The following TM9SF4 variants were observed in gnomAD, a reference collection of about 807,000 sequenced individuals.
The protein encoded by TM9SF4 is dinucleotide oxidase disulfide thiol exchanger 3 superfamily member 4.
Under a neutral mutation model 90.4 loss-of-function variants are expected in TM9SF4, and 26 were observed. That is an observed-to-expected ratio of 0.29 (90% CI 0.21 to 0.40). The LOEUF is 0.40. Ranked by LOEUF, TM9SF4 falls within the 10% of genes least tolerant of loss-of-function variation. The pLI, the probability that TM9SF4 is intolerant of heterozygous loss-of-function variation, is 1.00. For synonymous variants in TM9SF4, 293 were observed against 315.4 expected (o/e 0.93, Z 0.75); for missense variants, 549 against 834.8 (o/e 0.66, Z 4.22).
intron 9 of TM9SF4, among the ~76,000 whole-genome samples, chr20:32,147,712 G>T (rs1274350698): frequency 1.3e-5 from 2 of 152,002 alleles, no homozygotes; most frequent in Non-Finnish European, 2.9e-5. Flanking sequence ...AATTAGCTGG[G>T]TGTGGTGGCA....
intron 1 of TM9SF4, among the ~76,000 whole-genome samples, chr20:32,122,845 C>G (rs898596736): frequency 6.6e-6 from 1 of 151,934 alleles, no homozygotes; most frequent in Admixed American, 6.5e-5. Context: ...TGTAGCGAGC[C>G]GAGATCACGC....
At position 32,143,075 on chromosome 20, in the gene TM9SF4, G is replaced by T; in HGVS notation, c.622G>T (p.Glu208Ter). Residue 208 changes from glutamate (E) to a stop codon, truncating the protein, a stop_gained, in exon 6 of 18, where the codon GAG (glutamate) becomes TAG (stop). Transcript: ENST00000398022. LOFTEE classifies it high-confidence loss of function. ...QEHTYRVVRFEVIPQSIRLED... is the reference protein window; with the variant it reads ...QEHTYRVVRF The stretch of plus-strand genomic sequence containing the variant: ...GCACACGTACCGTGTCGTCCGCTTC[G>T]AGGTGATTCCCCAGAGCATCAGGCT... 6.2e-7 allele frequency: 1 copy of T among 1,613,682 alleles called. No homozygotes were observed. The highest frequency in any genetic ancestry group is 8.5e-7 in the Non-Finnish European group (1 of 1,179,744).
At chr20:32,118,630 TA>T (rs1350831976) in intron 1 of TM9SF4, among the ~76,000 whole-genome samples, 10 of 150,746 alleles carry the variant, frequency 6.6e-5, no homozygotes, top group African/African-American at 2.4e-4. Flanking sequence ...TTTATTTATT[TA>T]TTTATTTATT....
At chr20:32,121,386 T>C (rs1215753786) in intron 1 of TM9SF4, among the ~76,000 whole-genome samples, 1 of 151,806 alleles carries the variant, frequency 6.6e-6, no homozygotes, top group Non-Finnish European at 1.5e-5. Context: ...TACTTGAGAT[T>C]AGGGAGTGGT....
intron 1 of TM9SF4, among the ~76,000 whole-genome samples, chr20:32,123,866 A>ATATATATATATATATATATATTTTTTT: frequency 2.7e-4 from 25 of 93,942 alleles, no homozygotes; most frequent in African/African-American, 1.1e-3. Context: ...ATATATATAT[A>ATATATATATATATATATATATTTTTTT]TTTTTTTTTT....
At chr20:32,137,992 T>C (rs1440335331) in intron 3 of TM9SF4, among the ~76,000 whole-genome samples, 1 of 152,214 alleles carries the variant, frequency 6.6e-6, no homozygotes, top group Admixed American at 6.5e-5. Context: ...CTTCTGTGAC[T>C]CTGATAGTAA....
intron 1 of TM9SF4, among the ~76,000 whole-genome samples, chr20:32,128,010 C>T (rs913194536): frequency 1.3e-5 from 2 of 152,226 alleles, no homozygotes; most frequent in African/African-American, 2.4e-5. Flanking sequence ...TTGTGGCTAA[C>T]TGCTTATTAA....
At chr20:32,150,004 AT>A (rs1412651918) in intron 10 of TM9SF4, among the ~76,000 whole-genome samples, 1 of 152,166 alleles carries the variant, frequency 6.6e-6, no homozygotes, top group Non-Finnish European at 1.5e-5. Context: ...TCCTCCATCA[AT>A]GAGGCAACAC....
At chr20:32,158,685 A>G (rs938055951) in intron 15 of TM9SF4, among the ~76,000 whole-genome samples, 171 bp downstream of exon 15, 54 of 152,150 alleles carry the variant, frequency 3.5e-4, no homozygotes, top group African/African-American at 1.3e-3. Flanking sequence ...TCAGGGCAGC[A>G]TTGAAAGTGA....
chr20:32,163,968 A>G (rs1449077133), intron 17 of TM9SF4, among the ~76,000 whole-genome samples: 1 of 152,082 alleles, frequency 6.6e-6, no homozygotes, highest in East Asian at 1.9e-4. Flanking sequence ...TGTTCCTCAA[A>G]ACATCTGGAA....
chr20:32,138,966 C>T (rs1477356531), intron 3 of TM9SF4, among the ~76,000 whole-genome samples: 1 of 152,254 alleles, frequency 6.6e-6, no homozygotes, highest in Non-Finnish European at 1.5e-5. Flanking sequence ...GCAGTGGGCT[C>T]TGCAGATATC....
Position 32,109,926 on chromosome 20 carries a change from G to A in TM9SF4, c.15+171G>A, listed in dbSNP as rs536848426. On this transcript the variant is annotated intron_variant, in intron 1 of 17. Transcript: ENST00000398022. ...CCCCGAAATCCACCTCCCTGGCCCT[G>A]CCCCTGCACTCAGGCTTGTGAAGGC... 126 of 1,444,254 alleles carry A rather than the reference G, an allele frequency of 8.7e-5. 4 individuals are homozygous for A. The South Asian group carries it at 1.7e-3, about 20-fold the overall frequency. 89.5% of individuals were successfully genotyped at this position (1,444,254 alleles called of 1,614,324 possible).
chr20:32,126,949 G>T (rs922530137), intron 1 of TM9SF4, among the ~76,000 whole-genome samples: 1 of 152,094 alleles, frequency 6.6e-6, no homozygotes, highest in Non-Finnish European at 1.5e-5. Context: ...AGCCAGGCTG[G>T]TCTCAAACTC....
intron 1 of TM9SF4, 48 bp downstream of exon 1, chr20:32,109,803 G>T (rs753064235): frequency 6.4e-7 from 1 of 1,551,266 alleles, no homozygotes; most frequent in Admixed American, 2.0e-5. Flanking sequence ...GGGCCCTCCG[G>T]GGTATCCCAG....
chr20:32,131,369 C>A (rs2046508841), intron 1 of TM9SF4, among the ~76,000 whole-genome samples: 1 of 152,168 alleles, frequency 6.6e-6, no homozygotes, highest in Non-Finnish European at 1.5e-5. Flanking sequence ...CTTGTAAAGC[C>A]ATTTTTCCCT....
intron 2 of TM9SF4, among the ~76,000 whole-genome samples, chr20:32,133,841 CT>C (rs2046555909): frequency 6.6e-6 from 1 of 152,184 alleles, no homozygotes; most frequent in African/African-American, 2.4e-5. Context: ...TGGTCTTTCT[CT>C]GTTGCCTAAG....
intron 1 of TM9SF4, among the ~76,000 whole-genome samples, chr20:32,113,258 TCTTCTTCCC>T (rs977023668): frequency 6.6e-6 from 1 of 152,176 alleles, no homozygotes; most frequent in Non-Finnish European, 1.5e-5. Context: ...GGTGAATGGC[TCTTCTTCCC>T]CAAGGGTTGA....
rs1039070181 is a variant in TM9SF4, at chr20:32,109,748, C to T, written c.8C>T (p.Thr3Met). ...GCGACACGTGGATCCAAGATGGCGA[C>T]GGCGATGGTGAGTGAAGGAGACTCC... is the stretch of plus-strand genomic sequence containing the variant. MA[T>M]AMDWLPWSLL... Residue 3 changes from threonine (T) to methionine (M), a missense_variant, in exon 1 of 18, where the codon ACG (threonine) becomes ATG (methionine). Physicochemically the swap from Thr to Met is moderately conservative, Grantham distance 81. Coordinates refer to ENST00000398022, the MANE Select transcript of TM9SF4 (RefSeq NM_014742.4). The T allele has an allele frequency of 4.5e-6, 7 of 1,551,648 alleles. No individual in the cohort carries two copies. Among genetic ancestry groups the T allele is most frequent in the South Asian group, 2.4e-5 (2 of 84,068 alleles).
rs1231346794 is a variant in TM9SF4, at chr20:32,157,836, G to A, written c.1372G>A (p.Gly458Arg). 1.2e-6 allele frequency: 2 copies of A among 1,614,150 alleles called. No homozygotes were observed. The highest frequency in any genetic ancestry group is 1.7e-6 in the Non-Finnish European group (2 of 1,180,024). The part of the protein sequence containing the change: ...TMVALLCMWF[G>R]ISLPLVYLGY... ...GGTGGCTCTGCTGTGCATGTGGTTC[G>A]GGATCTCCCTGCCCCTCGTCTACTT... is the stretch of plus-strand genomic sequence containing the variant. The change falls in exon 14 of 18, where the codon GGG becomes AGG. Residue 458 changes from glycine to arginine, a missense_variant. Around this residue, in one of 2 missense-constraint regions of TM9SF4, gnomAD observed 495 missense variants for 711.7 expected, o/e 0.70. Coordinates refer to ENST00000398022, the MANE Select transcript of TM9SF4 (RefSeq NM_014742.4).
Sources: allele counts gnomAD v4.1 joint callset (sites outside exome capture counted in the v4.1 genomes callset), GRCh38; gene constraint gnomAD v4.1.1; regional missense constraint gnomAD v4.1.1; transcripts MANE v1.5; gene names NCBI Gene and HGNC (gene_info 2026-07-23, HGNC 2026-07-21).